Variants in TENM3 observed in about 807,000 individuals in gnomAD.
TENM3 encodes teneurin transmembrane protein 3, also known as teneurin-3.
In TENM3, 63 loss-of-function variants were observed where a neutral mutation model predicts 255.1. That is an observed-to-expected ratio of 0.25 (90% CI 0.20 to 0.30). The LOEUF is 0.30. Among genes scored for constraint, TENM3 ranks in the 10% least tolerant of loss-of-function variants. The probability of loss-of-function intolerance (pLI) is 1.00; values close to 1 mark genes in which losing one functional copy is unlikely to be tolerated. For missense variants in TENM3, 2,929 were observed against 3,461.1 expected (o/e 0.85, Z 3.86); for synonymous variants, 1,306 against 1,322.3 (o/e 0.99, Z 0.27).
chr4:181,997,726 G>A, the TENM3 span, among the ~76,000 whole-genome samples: 1 of 152,172 alleles, frequency 6.6e-6, no homozygotes, highest in Non-Finnish European at 1.5e-5. Flanking sequence ...TACATCGTCA[G>A]CTCTATGTTC....
chr4:182,300,939 C>A (rs1761813129), intron 1 of TENM3, among the ~76,000 whole-genome samples: 1 of 152,176 alleles, frequency 6.6e-6, no homozygotes, highest in South Asian at 2.1e-4. Flanking sequence ...CCTGGCATTT[C>A]CAGCCTATGA....
chr4:182,696,295 T>C (rs188823696), intron 12 of TENM3, among the ~76,000 whole-genome samples: 1 of 152,296 alleles, frequency 6.6e-6, no homozygotes, highest in African/African-American at 2.4e-5. Context: ...GCATAGAATA[T>C]AGACTCAATT....
At chr4:181,763,149 T>C in the TENM3 span, among the ~76,000 whole-genome samples, 3 of 152,206 alleles carry the variant, frequency 2.0e-5, no homozygotes, top group Non-Finnish European at 4.4e-5. Flanking sequence ...AAGAAATTGA[T>C]GGACTACTGT....
chr4:181,799,868 G>A, the TENM3 span, among the ~76,000 whole-genome samples: 1 of 152,192 alleles, frequency 6.6e-6, no homozygotes, highest in Non-Finnish European at 1.5e-5. Context: ...GAACAAGTCG[G>A]AAGCAGCCTG....
Position 182,323,943 on chromosome 4 carries a change from C to A in TENM3, c.-75-3C>A. The A allele has an allele frequency of 7.9e-7, 1 of 1,270,874 alleles. No individual in the cohort carries two copies. Among genetic ancestry groups the A allele is most frequent in the Non-Finnish European group, 1.1e-6 (1 of 897,214 alleles). The allele number at this position is 1,270,874 out of a possible 1,614,324, so 78.7% of individuals were successfully genotyped here. ...ACCTCATGCAAACCTTGTATCTTCA[C>A]AGAGAGGCCAATGAGACTTGAACCC... On this transcript the variant is annotated splice_polypyrimidine_tract_variant and splice_region_variant and intron_variant, in intron 1 of 27. Coordinates refer to ENST00000511685, the MANE Select transcript of TENM3 (RefSeq NM_001080477.4).
rs536653484 is a variant in TENM3 at position 182,680,561 on chromosome 4, G to A, written c.1658G>A (p.Cys553Tyr). The A allele has an allele frequency of 1.2e-6, 2 of 1,613,616 alleles. No homozygotes were observed. The highest frequency in any genetic ancestry group is 1.7e-5 in the Admixed American group (1 of 59,892). ...TTCACAGCCGCCTGTCCAGTGTTATGTAGTGGCAACGGGCAGTACTCCAAG... is the reference window on the plus strand; with the variant it reads ...TTCACAGCCGCCTGTCCAGTGTTATATAGTGGCAACGGGCAGTACTCCAAG... ...DCSRAACPVL[C>Y]SGNGQYSKGR... Residue 553 changes from cysteine to tyrosine, a missense_variant, in exon 10 of 28, where the codon TGT (cysteine) becomes TAT (tyrosine). By Grantham distance (194) the Cys-to-Tyr change is radical. Transcript: ENST00000511685.
intron 1 of TENM3, among the ~76,000 whole-genome samples, chr4:182,313,454 C>T (rs1474963329): frequency 2.0e-5 from 3 of 151,664 alleles, no homozygotes; most frequent in African/African-American, 7.3e-5. Context: ...TGAAAATGTT[C>T]ATAATATATT....
the TENM3 span, among the ~76,000 whole-genome samples, chr4:181,691,915 T>C: frequency 6.6e-6 from 1 of 152,218 alleles, no homozygotes; most frequent in African/African-American, 2.4e-5. Flanking sequence ...GCTGTGGATA[T>C]AATTATTGCT....
At chr4:181,838,986 C>G in the TENM3 span, among the ~76,000 whole-genome samples, 1 of 151,618 alleles carries the variant, frequency 6.6e-6, no homozygotes, top group Non-Finnish European at 1.5e-5. Flanking sequence ...CTAATATAAG[C>G]ATTTATGACT....
the TENM3 span, among the ~76,000 whole-genome samples, chr4:182,068,452 C>T: frequency 2.6e-5 from 4 of 151,094 alleles, no homozygotes; most frequent in East Asian, 7.8e-4. Flanking sequence ...CAAAACCCTA[C>T]ATTGCTACTA....
intron 1 of TENM3, among the ~76,000 whole-genome samples, chr4:182,187,836 A>G (rs917674026): frequency 6.6e-6 from 1 of 152,142 alleles, no homozygotes; most frequent in Non-Finnish European, 1.5e-5. Context: ...AGCAGTAACA[A>G]TTTATTCCTT....
chr4:182,092,349 C>T, the TENM3 span, among the ~76,000 whole-genome samples: 7 of 131,180 alleles, frequency 5.3e-5, no homozygotes, highest in African/African-American at 1.6e-4. Context: ...AATAAATAAA[C>T]AAACAAACAA....
chr4:181,652,976 T>C, the TENM3 span, among the ~76,000 whole-genome samples: 2 of 152,242 alleles, frequency 1.3e-5, no homozygotes, highest in Non-Finnish European at 2.9e-5. Flanking sequence ...TTGTTGGAAA[T>C]AGCAATTCTT....
At chr4:182,316,390 A>G (rs1466910134) in intron 1 of TENM3, among the ~76,000 whole-genome samples, 2 of 152,008 alleles carry the variant, frequency 1.3e-5, no homozygotes, top group Non-Finnish European at 2.9e-5. Flanking sequence ...GCTGCTGGAA[A>G]CAGACACTAT....
Position 182,777,282 on chromosome 4 carries a change from C to A in TENM3, c.5304+2129C>A, listed in dbSNP as rs559971767. Among the ~76,000 whole-genome samples the A allele has an allele frequency of 5.8e-4, 88 of 152,168 alleles. 2 individuals carry two copies. The South Asian group carries it at 0.017, about 30-fold the overall frequency. ...TTGTTGACCTAAATTTAGCTATGTGCCTGTCACATGGTGGACACTCAAATA... is the reference window on the plus strand; with the variant it reads ...TTGTTGACCTAAATTTAGCTATGTGACTGTCACATGGTGGACACTCAAATA... On this transcript the variant is annotated intron_variant, in intron 24 of 27. Coordinates refer to ENST00000511685, the MANE Select transcript of TENM3 (RefSeq NM_001080477.4).
At chr4:182,268,459 G>A (rs1189176545) in intron 1 of TENM3, among the ~76,000 whole-genome samples, 2 of 152,094 alleles carry the variant, frequency 1.3e-5, no homozygotes, top group Non-Finnish European at 2.9e-5. Context: ...CTTATAAAAG[G>A]GAGGGGGGAA....
intron 13 of TENM3, among the ~76,000 whole-genome samples, chr4:182,723,212 T>C (rs1485542770): frequency 6.6e-6 from 1 of 152,204 alleles, no homozygotes. Context: ...AGAGCACTGA[T>C]GTAGACAACC....
At chr4:182,164,423 G>A (rs1180292807) in intron 1 of TENM3, among the ~76,000 whole-genome samples, 1 of 152,050 alleles carries the variant, frequency 6.6e-6, no homozygotes, top group Non-Finnish European at 1.5e-5. Context: ...GCTTCCATTT[G>A]TCTTCCACCC....
chr4:181,550,735 T>C, the TENM3 span, among the ~76,000 whole-genome samples: 2 of 152,204 alleles, frequency 1.3e-5, no homozygotes, highest in East Asian at 1.9e-4. Context: ...TCAGAATTTC[T>C]CTAAGCAGTA....
Sources: gnomAD v4.1 joint callset for allele counts (sites outside exome capture counted in the v4.1 genomes callset) on GRCh38, gnomAD v4.1.1 for gene constraint, MANE v1.5 for transcripts, NCBI Gene and HGNC (gene_info 2026-07-23, HGNC 2026-07-21) for gene names.